PDE6A: variants seen among roughly 807,000 people sequenced by gnomAD.
PDE6A encodes phosphodiesterase 6A, also known as rod cGMP-specific 3',5'-cyclic phosphodiesterase subunit alpha.
PDE6A carries 84 observed loss-of-function variants against 106.3 expected under a neutral mutation model. That is an observed-to-expected ratio of 0.79 (90% CI 0.66 to 0.95). The LOEUF is 0.95. Among genes scored for constraint, PDE6A ranks in the 40% least tolerant of loss-of-function variants. The pLI, the probability that PDE6A is intolerant of heterozygous loss-of-function variation, is 0.00. For synonymous variants in PDE6A, 394 were observed against 386.6 expected, an observed-to-expected ratio of 1.02 and a Z score of -0.23; for missense variants, 1,052 against 1,084.9, an observed-to-expected ratio of 0.97 and a Z score of 0.43.
intron 8 of PDE6A, among the ~76,000 whole-genome samples, chr5:149,900,366 A>AATATATATATATATATATATATATATAT (rs1256037154): frequency 2.3e-4 from 3 of 12,786 alleles, no homozygotes; most frequent in Non-Finnish European, 6.0e-4. Flanking sequence ...CATCTCGAAA[A>AATATATATATATATATATATATATATAT]ATATATATGT....
intron 16 of PDE6A, among the ~76,000 whole-genome samples, chr5:149,883,842 C>T (rs1287299145): frequency 6.6e-6 from 1 of 152,090 alleles, no homozygotes; most frequent in Non-Finnish European, 1.5e-5. Flanking sequence ...ACGTGTTGTG[C>T]CTGACACATA....
At position 149,898,631 on chromosome 5, in the gene PDE6A, T is replaced by A. The variant is rs115182616; in HGVS notation, c.1264-125A>T. The A allele has an allele frequency of 6.8e-4, 630 of 920,620 alleles. 4 individuals are homozygous for A. The African/African-American group carries it at 9.4e-3, about 14-fold the overall frequency. The allele number at this position is 920,620 out of a possible 1,614,324, so 57.0% of individuals were successfully genotyped here. A position where few individuals can be genotyped will look rare whatever the true frequency, so the allele number is the denominator to read the frequency against. On this transcript the variant is annotated intron_variant, in intron 9 of 21. Coordinates refer to ENST00000255266, the MANE Select transcript of PDE6A (RefSeq NM_000440.3). ...TATAAAATGGGTTTGATAAGCTGTG[T>A]GCTGCCCACCTTGCGGAGTTCTTAT... is the stretch of plus-strand genomic sequence containing the variant.
intron 14 of PDE6A, among the ~76,000 whole-genome samples, chr5:149,886,006 C>A (rs1375475742): frequency 6.6e-6 from 1 of 152,214 alleles, no homozygotes; most frequent in Non-Finnish European, 1.5e-5. Context: ...ATCTCAAGAT[C>A]CTCGACTTAA....
intron 6 of PDE6A, among the ~76,000 whole-genome samples, chr5:149,911,774 G>A (rs1431104172): frequency 6.7e-6 from 1 of 149,026 alleles, no homozygotes; most frequent in African/African-American, 2.5e-5. Context: ...TAAGTTGGGA[G>A]GATTGCTTGA....
intron 20 of PDE6A, among the ~76,000 whole-genome samples, chr5:149,864,762 G>T (rs1324340945): frequency 6.6e-6 from 1 of 152,182 alleles, no homozygotes; most frequent in Non-Finnish European, 1.5e-5. Context: ...ACTGTGTTCA[G>T]AGATGCCTGG....
At chr5:149,906,560 T>C (rs1466081968) in intron 7 of PDE6A, among the ~76,000 whole-genome samples, 2 of 103,066 alleles carry the variant, frequency 1.9e-5, no homozygotes, top group South Asian at 3.0e-4. Context: ...AGACAAGGCA[T>C]CCAAGGCCTG....
At chr5:149,940,230 G>A (rs1469571761) in intron 1 of PDE6A, 1 of 152,188 alleles carries the variant, frequency 6.6e-6, no homozygotes, top group Non-Finnish European at 1.5e-5. Context: ...TGACAGTTAT[G>A]ACATAGATCG....
chr5:149,927,578 T>A (rs1753898959), intron 4 of PDE6A, among the ~76,000 whole-genome samples: 1 of 151,984 alleles, frequency 6.6e-6, no homozygotes, highest in Admixed American at 6.5e-5. Context: ...AAGCCTGGCT[T>A]GTAACTTTTT....
rs1202255370 is a variant in PDE6A, at chr5:149,898,400, T to A, written c.1370A>T (p.His457Leu). 6.2e-7 allele frequency: 1 copy of A among 1,613,114 alleles called. No homozygotes were observed. Among genetic ancestry groups the A allele is most frequent in the African/African-American group, 1.3e-5 (1 of 74,926 alleles). ...KDIFQDIVKYHVKCDNEEIQK... is the reference protein window; with the variant it reads ...KDIFQDIVKYLVKCDNEEIQK... ...AATTTCTTCATTGTCACACTTCACA[T>A]GATATTTTACTATGTCCTGGAAAAT... is the stretch of plus-strand genomic sequence containing the variant. Residue 457 changes from histidine (H) to leucine (L), a missense_variant, in exon 10 of 22, where the codon CAT (histidine) becomes CTT (leucine). By Grantham distance (99) the His-to-Leu change is moderately conservative (BLOSUM62 -3). Transcript: ENST00000255266.
At chr5:149,890,526 T>G (rs1446592085) in intron 13 of PDE6A, among the ~76,000 whole-genome samples, 2 of 152,238 alleles carry the variant, frequency 1.3e-5, no homozygotes, top group Non-Finnish European at 2.9e-5. Context: ...ATTCCTGGTA[T>G]AACACTATCA....
intron 5 of PDE6A, among the ~76,000 whole-genome samples, chr5:149,915,779 G>A (rs1395285247): frequency 6.6e-6 from 1 of 152,208 alleles, no homozygotes; most frequent in East Asian, 1.9e-4. Flanking sequence ...CTCCCAGAAT[G>A]TAATTCTTTG....
At chr5:149,874,260 A>C (rs1486069095) in intron 17 of PDE6A, among the ~76,000 whole-genome samples, 1 of 152,214 alleles carries the variant, frequency 6.6e-6, no homozygotes, top group Non-Finnish European at 1.5e-5. Flanking sequence ...GCCTCACTTC[A>C]GAGGCCAGCC....
At chr5:149,889,081 CAAA>C (rs568428704) in intron 13 of PDE6A, among the ~76,000 whole-genome samples, 4 of 61,582 alleles carry the variant, frequency 6.5e-5, no homozygotes, top group Admixed American at 1.8e-4. Flanking sequence ...GACTCTGTCT[CAAA>C]AAAAAAAAAA....
At chr5:149,879,352 A>G (rs1013055599) in intron 17 of PDE6A, among the ~76,000 whole-genome samples, 2 of 151,822 alleles carry the variant, frequency 1.3e-5, no homozygotes, top group Admixed American at 6.6e-5. Flanking sequence ...GATTACAGGC[A>G]TGAGCCACTG....
In PDE6A at chr5:149,930,970, G is replaced by A. The variant is rs368895976; in HGVS notation, c.858+58C>T. The A allele has an allele frequency of 2.9e-4, 456 of 1,557,288 alleles. 1 individual carries two copies. In the African/African-American group the frequency reaches 3.8e-3, roughly 13 times the overall value. ...TTGAATGTGTGCCAAGACTCTAGCC[G>A]TCAGTCAGTGTCTGTTTAATCTTTT... On this transcript the variant is annotated intron_variant, in intron 4 of 21. Coordinates refer to ENST00000255266, the MANE Select transcript of PDE6A (RefSeq NM_000440.3).
At chr5:149,925,706 C>CAAAAA (rs36003503) in intron 4 of PDE6A, among the ~76,000 whole-genome samples, 1 of 102,198 alleles carries the variant, frequency 9.8e-6, no homozygotes. Flanking sequence ...GACTCTGTCT[C>CAAAAA]AAAAAAAAAA....
chr5:149,920,378 C>G (rs1008330978), intron 5 of PDE6A, among the ~76,000 whole-genome samples: 1 of 151,920 alleles, frequency 6.6e-6, no homozygotes, highest in African/African-American at 2.4e-5. Flanking sequence ...GTCAGGAGTT[C>G]GAGACCAGCC....
At chr5:149,923,552 ACAT>A (rs1561772957) in intron 4 of PDE6A, among the ~76,000 whole-genome samples, 1 of 125,308 alleles carries the variant, frequency 8.0e-6, no homozygotes, top group African/African-American at 4.0e-5. Context: ...ACATAACATA[ACAT>A]AACATAACAT....
chr5:149,907,806 T>C (rs1753248500), intron 6 of PDE6A, among the ~76,000 whole-genome samples: 1 of 152,212 alleles, frequency 6.6e-6, no homozygotes, highest in Admixed American at 6.5e-5. Context: ...AATACTATAA[T>C]TTTTTGTATT....
Sources: allele counts gnomAD v4.1 joint callset (sites outside exome capture counted in the v4.1 genomes callset), GRCh38; gene constraint gnomAD v4.1.1; transcripts MANE v1.5; gene names NCBI Gene and HGNC (gene_info 2026-07-23, HGNC 2026-07-21).